PCDHGB1: variants seen among roughly 807,000 people sequenced by gnomAD.
PCDHGB1 encodes the protein protocadherin gamma subfamily B, 1, also known as protocadherin gamma-B1.
Under a neutral mutation model 56.6 loss-of-function variants are expected in PCDHGB1, and 34 were observed. The observed-to-expected ratio is 0.60, with a 90% confidence interval of 0.46 to 0.80. The LOEUF (loss-of-function observed/expected upper bound fraction) is 0.80, where lower values mean the gene tolerates loss of function less well. Among genes scored for constraint, PCDHGB1 ranks in the 30% least tolerant of loss-of-function variants. The pLI, the probability that PCDHGB1 is intolerant of heterozygous loss-of-function variation, is 0.00. For synonymous variants in PCDHGB1, 561 were observed against 505.9 expected, an observed-to-expected ratio of 1.11 and a Z score of -1.46; for missense variants, 1,278 against 1,204.6, an observed-to-expected ratio of 1.06 and a Z score of -0.90.
In PCDHGB1 at chr5:141,351,040, G is replaced by A. The variant is rs780012023; in HGVS notation, c.780G>A (p.Arg260=). ...TACCGTGGGGAACCTCCGTGCTGCG[G>A]GTGATGGCCACAGACCAGGATGAGG... ...ENVPWGTSVL[R]VMATDQDEGI... The change falls in exon 1 of 4, where the codon CGG becomes CGA. Residue 260 remains arginine (R), a synonymous_variant. Transcript: ENST00000523390. 16 of 1,613,958 alleles carry A rather than the reference G, an allele frequency of 9.9e-6. No homozygotes were observed. The Middle Eastern group carries it at 4.9e-4, about 50-fold the overall frequency.
Position 141,476,646 on chromosome 5 carries a change from A to G in PCDHGB1, c.2410-18161A>G, listed in dbSNP as rs771366262. 1.9e-6 allele frequency: 3 copies of G among 1,614,132 alleles called. No homozygotes were observed. The highest frequency in any genetic ancestry group is 1.7e-5 in the Admixed American group (1 of 60,010). ...TTACAAACCTATGAGCTGAGCCGAA[A>G]TGAATACTTTGCGCTTCGCGTGCAG... On this transcript the variant is annotated intron_variant, in intron 1 of 3. Transcript: ENST00000523390. This position sits in a 1 kb window ranked among gnomAD's most constrained non-coding sequence, Gnocchi z 7.6.
chr5:141,476,950 A>T lies in PCDHGB1; in HGVS notation c.2410-17857A>T, dbSNP rs1224572890. 2 of 1,614,158 alleles carry T rather than the reference A, an allele frequency of 1.2e-6. No homozygotes were observed. The highest frequency in any genetic ancestry group is 4.5e-5 in the East Asian group (2 of 44,878). ...ATCTGGATGAAGGCCCCAACGGTGA[A>T]ATTATTTACTCCTTCGGCAGCCACA... On this transcript the variant is annotated intron_variant, in intron 1 of 3. Transcript: ENST00000523390. The surrounding 1 kb of genome is among the most constrained non-coding windows in gnomAD (Gnocchi z 7.6).
intron 1 of PCDHGB1, among the ~76,000 whole-genome samples, chr5:141,482,442 C>T (rs942933015): frequency 1.4e-5 from 2 of 147,678 alleles, no homozygotes; most frequent in Non-Finnish European, 3.0e-5. Flanking sequence ...CTGATATTCA[C>T]CATTTATTAG....
rs755863653 is a variant in PCDHGB1 at position 141,422,228 on chromosome 5, TG to T, written c.2409+69560del. 2.3e-5 allele frequency: 36 copies of T among 1,565,448 alleles called. No individual in the cohort carries two copies. The Middle Eastern group carries it at 8.6e-4, about 37-fold the overall frequency. ...GGAGGTCTCTTTACCACCACGACGA[TG>T]TTGATCACTGTTGTGGATGTGAATG... On this transcript the variant is annotated intron_variant, in intron 1 of 3. Transcript: ENST00000523390.
chr5:141,446,423 T>C (rs745968692), intron 1 of PCDHGB1, among the ~76,000 whole-genome samples: 1 of 152,152 alleles, frequency 6.6e-6, no homozygotes, highest in Non-Finnish European at 1.5e-5. Context: ...CATGTTCATT[T>C]GAAGGATCTG....
At position 141,389,253 on chromosome 5, in the gene PCDHGB1, G is replaced by T. The variant is rs998614321; in HGVS notation, c.2409+36584G>T. The stretch of plus-strand genomic sequence containing the variant: ...GGTTTTCTCACAGTCTTCCTATATA[G>T]TCCACGTGGCCGAGAACAACCCGCC... On this transcript the variant is annotated intron_variant, in intron 1 of 3. Transcript: ENST00000523390. 1.9e-6 allele frequency: 3 copies of T among 1,613,892 alleles called. No homozygotes were observed. The highest frequency in any genetic ancestry group is 2.5e-6 in the Non-Finnish European group (3 of 1,179,902).
In PCDHGB1 at chr5:141,511,402, A is replaced by C; in HGVS notation, c.*229A>C. On this transcript the variant is annotated 3_prime_UTR_variant, in exon 4 of 4. Transcript: ENST00000523390. Reference sequence around the variant, plus strand: ...TTCCGCTGGGAACCCCCATCCAATCAACTGCTGTACCCATGGGGGTAGTGG... The same window carrying C: ...TTCCGCTGGGAACCCCCATCCAATCCACTGCTGTACCCATGGGGGTAGTGG... The C allele has an allele frequency of 1.0e-6, 1 of 969,684 alleles. No individual in the cohort carries two copies. 60.1% of individuals were successfully genotyped at this position (969,684 alleles called of 1,614,324 possible).
intron 1 of PCDHGB1, chr5:141,388,940 C>T: frequency 6.2e-7 from 1 of 1,613,966 alleles, no homozygotes; most frequent in South Asian, 1.1e-5. Context: ...CTCTACCCAA[C>T]CTAATTATGG....
intron 1 of PCDHGB1, among the ~76,000 whole-genome samples, chr5:141,492,876 G>A (rs2099744774): frequency 6.6e-6 from 1 of 152,184 alleles, no homozygotes; most frequent in African/African-American, 2.4e-5. Context: ...TCAACCCCCA[G>A]AGATACAGGC....
At chr5:141,355,508 T>C (rs1759881586) in intron 1 of PCDHGB1, 2 of 1,613,922 alleles carry the variant, frequency 1.2e-6, no homozygotes, top group Non-Finnish European at 1.7e-6. Flanking sequence ...CCAAACTGTG[T>C]GACAAACCTG....
At chr5:141,383,575 G>T in intron 1 of PCDHGB1, 1 of 1,613,234 alleles carries the variant, frequency 6.2e-7, no homozygotes, top group African/African-American at 1.3e-5. Flanking sequence ...ATCCAGCACC[G>T]CCCACATCCA....
chr5:141,441,825 C>A, intron 1 of PCDHGB1: 1 of 357,252 alleles, frequency 2.8e-6, no homozygotes, highest in Non-Finnish European at 5.5e-6. Flanking sequence ...CTCTGGAGCG[C>A]AATGGCTTCG....
At chr5:141,382,720 T>A in intron 1 of PCDHGB1, 2 of 480,118 alleles carry the variant, frequency 4.2e-6, no homozygotes, top group South Asian at 6.2e-5. Flanking sequence ...AACCACCGAG[T>A]TTTACAGCAC....
Position 141,511,643 on chromosome 5 carries a change from C to T in PCDHGB1, c.*470C>T, listed in dbSNP as rs937995879. ...TGAAAAGTTGGAAGGGCATCATGACCTCTTGGCCTCTCCTTTGATTCTCAA... is the reference window on the plus strand; with the variant it reads ...TGAAAAGTTGGAAGGGCATCATGACTTCTTGGCCTCTCCTTTGATTCTCAA... On this transcript the variant is annotated 3_prime_UTR_variant, in exon 4 of 4. Coordinates refer to ENST00000523390, the MANE Select transcript of PCDHGB1 (RefSeq NM_018922.3). 4 of 218,904 alleles carry T rather than the reference C, an allele frequency of 1.8e-5. No homozygotes were observed. The highest frequency in any genetic ancestry group is 5.2e-5 in the Admixed American group (1 of 19,306). 13.6% of individuals were successfully genotyped at this position (218,904 alleles called of 1,614,324 possible). A position where few individuals can be genotyped will look rare whatever the true frequency, so the allele number is the denominator to read the frequency against.
intron 1 of PCDHGB1, chr5:141,395,876 T>C (rs1175297322): frequency 6.6e-6 from 1 of 152,090 alleles, no homozygotes; most frequent in Non-Finnish European, 1.5e-5. Context: ...AGTATGTGAG[T>C]CAGTGGTCAC....
Position 141,394,683 on chromosome 5 carries a change from G to A in PCDHGB1, c.2409+42014G>A, listed in dbSNP as rs1008097766. ...ACTCTTCTCGGTGGGTCTGCACACG[G>A]GCGAGGTGCGCACGGCGCGAGCCCT... On this transcript the variant is annotated intron_variant, in intron 1 of 3. Coordinates refer to ENST00000523390, the MANE Select transcript of PCDHGB1 (RefSeq NM_018922.3). 5 of 1,611,630 alleles carry A rather than the reference G, an allele frequency of 3.1e-6. No homozygotes were observed. In the African/African-American group the frequency reaches 5.4e-5, roughly 17 times the overall value.
At chr5:141,470,306 T>C (rs2099227644) in intron 1 of PCDHGB1, among the ~76,000 whole-genome samples, 1 of 152,222 alleles carries the variant, frequency 6.6e-6, no homozygotes, top group South Asian at 2.1e-4. Flanking sequence ...TTATTCCATT[T>C]TTCCTCAAAT....
Position 141,474,403 on chromosome 5 carries a change from C to T in PCDHGB1, c.2410-20404C>T, listed in dbSNP as rs553745731. ...ATTTCTGCATTTCTAACAAGCTCCC[C>T]GGTGATGCCTAGACCATTGGTCCTC... is the stretch of plus-strand genomic sequence containing the variant. On this transcript the variant is annotated intron_variant, in intron 1 of 3. Coordinates refer to ENST00000523390, the MANE Select transcript of PCDHGB1 (RefSeq NM_018922.3). Among the ~76,000 whole-genome samples, 121 of 152,282 alleles carry T rather than the reference C, an allele frequency of 7.9e-4. 1 individual carries two copies. Among genetic ancestry groups the T allele is most frequent in the Admixed American group, 3.9e-3 (59 of 15,292 alleles).
At position 141,487,939 on chromosome 5, in the gene PCDHGB1, C is replaced by A; in HGVS notation, c.2410-6868C>A. ...AGGCTACAGTGCACAGGGTACAGTG[C>A]ACCAGGCAGTCACTTGGACAAAGGT... On this transcript the variant is annotated intron_variant, in intron 1 of 3. Coordinates refer to ENST00000523390, the MANE Select transcript of PCDHGB1 (RefSeq NM_018922.3). The surrounding 1 kb of genome is among the most constrained non-coding windows in gnomAD (Gnocchi z 5.0). The A allele has an allele frequency of 1.7e-6, 1 of 600,512 alleles. No individual in the cohort carries two copies. Among genetic ancestry groups the A allele is most frequent in the Non-Finnish European group, 2.9e-6 (1 of 343,042 alleles). The allele number at this position is 600,512 out of a possible 1,614,324, so 37.2% of individuals were successfully genotyped here.
Sources: gnomAD v4.1 joint callset for allele counts (sites outside exome capture counted in the v4.1 genomes callset) on GRCh38, gnomAD v4.1.1 for gene constraint, Gnocchi (gnomAD v3.1) non-coding constraint, MANE v1.5 for transcripts, NCBI Gene and HGNC (gene_info 2026-07-23, HGNC 2026-07-21) for gene names.